The following FHIT variants were observed in gnomAD, a reference collection of about 807,000 sequenced individuals.
FHIT encodes fragile histidine triad diadenosine triphosphatase.
In FHIT, 19 loss-of-function variants were observed where a neutral mutation model predicts 17.9. The observed-to-expected ratio is 1.06, with a 90% CI of 0.74 to 1.56. FHIT has a LOEUF of 1.56. FHIT is among the 40% of genes most tolerant of loss of function. The pLI, the probability that FHIT is intolerant of heterozygous loss-of-function variation, is 0.00. For synonymous variants in FHIT, 81 were observed against 69.7 expected, an observed-to-expected ratio of 1.16 and a Z score of -0.81; for missense variants, 248 against 189.2, an observed-to-expected ratio of 1.31 and a Z score of -1.82.
intron 1 of FHIT, among the ~76,000 whole-genome samples, chr3:61,220,929 A>C (rs1469084855): frequency 6.6e-6 from 1 of 152,192 alleles, no homozygotes; most frequent in South Asian, 2.1e-4. Flanking sequence ...CCCTTGCCAC[A>C]TCTATTCAAT....
intron 4 of FHIT, among the ~76,000 whole-genome samples, chr3:60,573,185 G>A (rs1231783705): frequency 2.6e-5 from 4 of 152,080 alleles, no homozygotes; most frequent in Non-Finnish European, 4.4e-5. Flanking sequence ...GCAAGGCCTG[G>A]ATGGAATGCA....
intron 1 of FHIT, among the ~76,000 whole-genome samples, chr3:61,223,043 A>G (rs2039880029): frequency 1.3e-5 from 2 of 152,152 alleles, no homozygotes; most frequent in South Asian, 4.1e-4. Context: ...TTCTGCATTC[A>G]TTATCTCTGG....
chr3:60,850,308 C>T (rs1349212489), intron 3 of FHIT, among the ~76,000 whole-genome samples: 1 of 143,084 alleles, frequency 7.0e-6, no homozygotes. Context: ...CATGTTAGGG[C>T]CTTTGTGTCT....
chr3:59,895,269 T>C (rs1424404201), intron 8 of FHIT, among the ~76,000 whole-genome samples: 1 of 152,220 alleles, frequency 6.6e-6, no homozygotes, highest in Non-Finnish European at 1.5e-5. Context: ...TTTTCCTCAC[T>C]ATACTGGAGG....
intron 8 of FHIT, among the ~76,000 whole-genome samples, chr3:59,857,858 TAGAG>T (rs934792594): frequency 1.3e-5 from 2 of 151,996 alleles, no homozygotes; most frequent in African/African-American, 4.8e-5. Flanking sequence ...AGAGCTCTGA[TAGAG>T]AGAAACCAGG....
At chr3:59,814,077 C>CT (rs1559629345) in intron 8 of FHIT, among the ~76,000 whole-genome samples, 3 of 151,960 alleles carry the variant, frequency 2.0e-5, no homozygotes, top group East Asian at 3.9e-4. Context: ...CACACACACC[C>CT]GACGGTGAAT....
intron 4 of FHIT, among the ~76,000 whole-genome samples, chr3:60,586,726 G>T (rs2037919508): frequency 2.6e-5 from 4 of 152,002 alleles, no homozygotes; most frequent in Non-Finnish European, 1.5e-5. Context: ...ATTATACTTA[G>T]AAAACCAAAG....
intron 3 of FHIT, among the ~76,000 whole-genome samples, chr3:60,851,111 A>G (rs995586110): frequency 3.3e-5 from 5 of 152,190 alleles, no homozygotes; most frequent in Admixed American, 1.3e-4. Context: ...TGCTCTTGAA[A>G]ACATTAGTAG....
chr3:59,873,120 C>A (rs1422875511), intron 8 of FHIT, among the ~76,000 whole-genome samples: 1 of 152,180 alleles, frequency 6.6e-6, no homozygotes, highest in Non-Finnish European at 1.5e-5. Context: ...CTTAAACACT[C>A]CCTGTTTTAC....
chr3:60,561,170 A>C (rs1248196042), intron 4 of FHIT, among the ~76,000 whole-genome samples: 1 of 152,052 alleles, frequency 6.6e-6, no homozygotes, highest in Non-Finnish European at 1.5e-5. Flanking sequence ...AGAATGTCCT[A>C]AAGTACTGAC....
chr3:61,196,602 A>T (rs940934155), intron 2 of FHIT, among the ~76,000 whole-genome samples: 3 of 152,176 alleles, frequency 2.0e-5, no homozygotes, highest in Non-Finnish European at 4.4e-5. Flanking sequence ...TTGTACAATC[A>T]AGGTCACAGC....
chr3:60,446,740 C>T (rs1316111117), intron 5 of FHIT, among the ~76,000 whole-genome samples: 1 of 151,876 alleles, frequency 6.6e-6, no homozygotes, highest in Admixed American at 6.6e-5. Context: ...ATAGTACAAG[C>T]TATTCAGGAG....
chr3:60,418,768 T>C (rs1034971687), intron 5 of FHIT, among the ~76,000 whole-genome samples: 17 of 151,834 alleles, frequency 1.1e-4, no homozygotes, highest in African/African-American at 3.6e-4. Flanking sequence ...AAAAAATATA[T>C]TGAATGTCTA....
At chr3:60,629,247 G>C (rs543887908) in intron 4 of FHIT, among the ~76,000 whole-genome samples, 50 of 152,280 alleles carry the variant, frequency 3.3e-4, no homozygotes, top group South Asian at 6.2e-4. Flanking sequence ...TCTGCCCAGA[G>C]TGGAGGCTCC....
chr3:60,371,389 T>G (rs529458548), intron 5 of FHIT, among the ~76,000 whole-genome samples: 107 of 152,010 alleles, frequency 7.0e-4, no homozygotes, highest in African/African-American at 2.5e-3. Context: ...AGATGGGGTC[T>G]GGGCTGGAGT....
intron 2 of FHIT, among the ~76,000 whole-genome samples, chr3:61,139,674 C>T (rs769861855): frequency 4.6e-5 from 7 of 152,070 alleles, no homozygotes; most frequent in South Asian, 2.1e-4. Context: ...ATGTAATAGA[C>T]GCTTCAATAA....
chr3:61,101,862 T>C (rs151208721), intron 2 of FHIT, among the ~76,000 whole-genome samples: 83 of 152,274 alleles, frequency 5.5e-4, no homozygotes, highest in African/African-American at 1.8e-3. Context: ...GTTTGTCTGA[T>C]AATGGTGTGT....
At chr3:60,789,711 A>G (rs1327260624) in intron 4 of FHIT, among the ~76,000 whole-genome samples, 1 of 152,216 alleles carries the variant, frequency 6.6e-6, no homozygotes, top group Non-Finnish European at 1.5e-5. Context: ...TTTCTTAGTA[A>G]AGCTTTTAAT....
At chr3:60,135,022 A>T (rs1172145223) in intron 5 of FHIT, among the ~76,000 whole-genome samples, 1 of 152,146 alleles carries the variant, frequency 6.6e-6, no homozygotes, top group African/African-American at 2.4e-5. Flanking sequence ...GAGAAAGGGA[A>T]GCCAGTGAGG....
Sources: gnomAD v4.1 joint callset for allele counts (sites outside exome capture counted in the v4.1 genomes callset) on GRCh38, gnomAD v4.1.1 for gene constraint, MANE v1.5 for transcripts, NCBI Gene and HGNC (gene_info 2026-07-23, HGNC 2026-07-21) for gene names.